SUMF1: variants seen among roughly 807,000 people sequenced by gnomAD.
The protein encoded by SUMF1 is sulfatase modifying factor 1, also known as formylglycine-generating enzyme.
In SUMF1, 48 loss-of-function variants were observed where a neutral mutation model predicts 47.6. The observed-to-expected ratio is 1.01, with a 90% confidence interval of 0.80 to 1.28. The LOEUF (loss-of-function observed/expected upper bound fraction) is 1.28, where lower values mean the gene tolerates loss of function less well. SUMF1 is among the 50% of genes most tolerant of loss of function. The pLI, the probability that SUMF1 is intolerant of heterozygous loss-of-function variation, is 0.00. For synonymous variants in SUMF1, 230 were observed against 192.1 expected (o/e 1.20, Z -1.63); for missense variants, 571 against 485.4 (o/e 1.18, Z -1.66).
At chr3:4,303,577 T>C in intron 8 of SUMF1, 1 of 1,346,342 alleles carries the variant, frequency 7.4e-7, no homozygotes, top group Non-Finnish European at 9.5e-7. Context: ...CTCCCCCACG[T>C]GGTCTCCTCA....
At chr3:4,137,933 A>AC (rs60600837) in intron 8 of SUMF1, among the ~76,000 whole-genome samples, 6,473 of 150,736 alleles carry the variant, frequency 0.043, 403 homozygotes, top group East Asian at 0.16. Flanking sequence ...ACACACACAC[A>AC]TTATTAGAAC....
chr3:4,244,222 CTG>C (rs1398933113), intron 8 of SUMF1, among the ~76,000 whole-genome samples: 13 of 152,178 alleles, frequency 8.5e-5, no homozygotes, highest in Non-Finnish European at 5.9e-5. Flanking sequence ...ACTTGCCAGT[CTG>C]TGTCTTTTAA....
At chr3:4,457,058 G>GTATATATATATATACGTGTGTGTA (rs2079674615) in intron 1 of SUMF1, among the ~76,000 whole-genome samples, 1 of 86,044 alleles carries the variant, frequency 1.2e-5, no homozygotes, top group African/African-American at 3.3e-5. Context: ...ATACGTGTGT[G>GTATATATATATATACGTGTGTGTA]TATATATATA....
intron 8 of SUMF1, among the ~76,000 whole-genome samples, chr3:4,197,099 G>C (rs1695444650): frequency 6.6e-6 from 1 of 152,068 alleles, no homozygotes; most frequent in African/African-American, 2.4e-5. Context: ...GGAGAATATA[G>C]GCTTAGGAGT....
chr3:4,464,306 T>C (rs2079884807), intron 1 of SUMF1, among the ~76,000 whole-genome samples: 1 of 151,972 alleles, frequency 6.6e-6, no homozygotes, highest in African/African-American at 2.4e-5. Flanking sequence ...ACTCGACTTG[T>C]CCATGAAGAA....
intron 8 of SUMF1, among the ~76,000 whole-genome samples, chr3:4,246,207 T>G (rs1337833386): frequency 3.3e-5 from 5 of 152,170 alleles, no homozygotes; most frequent in African/African-American, 1.2e-4. Context: ...TCTGATCCCT[T>G]GTGCTTCCCG....
chr3:4,204,075 A>G (rs1695599182), intron 8 of SUMF1, among the ~76,000 whole-genome samples: 1 of 151,990 alleles, frequency 6.6e-6, no homozygotes, highest in Admixed American at 6.6e-5. Context: ...ATTATCCATG[A>G]GTTTTGTGCC....
At chr3:4,464,431 TGAGA>T (rs376795994) in intron 1 of SUMF1, among the ~76,000 whole-genome samples, 8 of 151,132 alleles carry the variant, frequency 5.3e-5, no homozygotes, top group East Asian at 1.9e-4. Context: ...TGTGTGTGTG[TGAGA>T]GAGAGAGAAA....
intron 8 of SUMF1, among the ~76,000 whole-genome samples, chr3:4,077,483 A>C (rs1316097004): frequency 6.6e-6 from 1 of 152,168 alleles, no homozygotes; most frequent in Non-Finnish European, 1.5e-5. Context: ...GCCATGAAAA[A>C]GAACAAGTTC....
chr3:4,210,885 C>T (rs890355113), intron 8 of SUMF1, among the ~76,000 whole-genome samples: 6 of 151,694 alleles, frequency 4.0e-5, no homozygotes, highest in Non-Finnish European at 8.8e-5. Context: ...GCTGCCAATA[C>T]AGCCAGGATA....
At position 4,304,825 on chromosome 3, in the gene SUMF1, A is replaced by G. The variant is rs1265398743; in HGVS notation, c.1014+71505T>C. Among the ~76,000 whole-genome samples the G allele has an allele frequency of 2.0e-5, 3 of 152,166 alleles. No homozygotes were observed. In the East Asian group the frequency reaches 5.8e-4, roughly 29 times the overall value. The stretch of plus-strand genomic sequence containing the variant: ...AATATGAGTGACCATGGCCTGTGAC[A>G]CAGCCCTCAGGAGATGCTGAGAACA... On this transcript the variant is annotated intron_variant and NMD_transcript_variant, in intron 8 of 12. Transcript: ENST00000448413.
intron 8 of SUMF1, among the ~76,000 whole-genome samples, chr3:4,195,890 T>C (rs1264091583): frequency 6.6e-6 from 1 of 152,064 alleles, no homozygotes; most frequent in African/African-American, 2.4e-5. Flanking sequence ...AATAGATAGC[T>C]TCAAAACATG....
intron 8 of SUMF1, among the ~76,000 whole-genome samples, chr3:4,306,929 T>C (rs1216807725): frequency 6.6e-6 from 1 of 152,264 alleles, no homozygotes; most frequent in Admixed American, 6.5e-5. Context: ...ATTGATTTTA[T>C]TGAGCTAACA....
chr3:4,249,324 C>T (rs1410829696), intron 8 of SUMF1, among the ~76,000 whole-genome samples: 1 of 152,156 alleles, frequency 6.6e-6, no homozygotes, highest in African/African-American at 2.4e-5. Context: ...TCATTGTTTA[C>T]AAATTGAAAG....
At chr3:4,351,671 T>C (rs1222062352) in intron 8 of SUMF1, among the ~76,000 whole-genome samples, 1 of 152,194 alleles carries the variant, frequency 6.6e-6, no homozygotes, top group Non-Finnish European at 1.5e-5. Context: ...CATCATCATT[T>C]TAAAAAAGAA....
chr3:4,217,702 T>C (rs1446347960), intron 8 of SUMF1, among the ~76,000 whole-genome samples: 1 of 141,344 alleles, frequency 7.1e-6, no homozygotes, highest in South Asian at 2.4e-4. Context: ...TATTTTTTTA[T>C]TAAAAAAATT....
intron 8 of SUMF1, among the ~76,000 whole-genome samples, chr3:4,349,175 T>C (rs1429856447): frequency 1.3e-5 from 2 of 152,030 alleles, no homozygotes; most frequent in Non-Finnish European, 2.9e-5. Context: ...AACAACCTTA[T>C]CAAAGAGTGG....
chr3:4,111,125 G>A (rs1274214556), intron 8 of SUMF1, among the ~76,000 whole-genome samples: 3 of 151,102 alleles, frequency 2.0e-5, no homozygotes, highest in South Asian at 2.1e-4. Flanking sequence ...CAGGATATTC[G>A]CAGATTGGTT....
rs1030535609 is a variant in SUMF1 at position 4,131,536 on chromosome 3, G to A, written c.1015-62791C>T. 4.6e-5 allele frequency among the ~76,000 whole-genome samples: 7 copies of A among 152,134 alleles called. No homozygotes were observed. In the South Asian group the frequency reaches 6.2e-4, roughly 14 times the overall value. The stretch of plus-strand genomic sequence containing the variant: ...AAATCTTCCCAGTGGGCAGTACTTC[G>A]AGCAGTGCACCTGGTTGTGCACTTT... On this transcript the variant is annotated intron_variant and NMD_transcript_variant, in intron 8 of 12. Transcript: ENST00000448413.
Sources: allele counts gnomAD v4.1 joint callset (sites outside exome capture counted in the v4.1 genomes callset), GRCh38; gene constraint gnomAD v4.1.1; transcripts MANE v1.5; gene names NCBI Gene and HGNC (gene_info 2026-07-23, HGNC 2026-07-21).